Variants in ZC3H12B observed in about 807,000 individuals in gnomAD.
ZC3H12B encodes zinc finger CCCH-type containing 12B.
ZC3H12B carries 7 observed loss-of-function variants against 43.9 expected under a neutral mutation model. The observed-to-expected ratio is 0.16, with a 90% CI of 0.09 to 0.30. The LOEUF (loss-of-function observed/expected upper bound fraction) is 0.30, where lower values mean the gene tolerates loss of function less well. ZC3H12B is among the 10% of genes least tolerant of loss of function. ZC3H12B has a pLI of 1.00. For synonymous variants in ZC3H12B, 222 were observed against 241.7 expected (o/e 0.92, Z 0.76); for missense variants, 475 against 670.2 (o/e 0.71, Z 3.22).
the ZC3H12B span, among the ~76,000 whole-genome samples, chrX:65,254,321 G>C: frequency 8.9e-6 from 1 of 112,531 alleles, no homozygotes; most frequent in African/African-American, 3.2e-5. Flanking sequence ...GTTGTGGCCA[G>C]TGGTCTGGAA....
the ZC3H12B span, among the ~76,000 whole-genome samples, chrX:65,111,529 C>T: frequency 9.6e-6 from 1 of 104,605 alleles, no homozygotes; most frequent in Non-Finnish European, 1.9e-5. Flanking sequence ...GCAAGTATTG[C>T]AATTTTTATT....
the ZC3H12B span, among the ~76,000 whole-genome samples, chrX:65,310,815 C>G: frequency 9.0e-6 from 1 of 111,432 alleles, no homozygotes; most frequent in Non-Finnish European, 1.9e-5. Flanking sequence ...ACCAATGGAA[C>G]AGAACAGGGG....
the ZC3H12B span, among the ~76,000 whole-genome samples, chrX:65,102,408 T>G: frequency 1.8e-5 from 2 of 111,553 alleles, no homozygotes; most frequent in African/African-American, 6.5e-5. Context: ...GAGAAAGAAA[T>G]AAAAGGTATT....
At chrX:65,457,017 C>T (rs2067628604) in intron 3 of ZC3H12B, among the ~76,000 whole-genome samples, 1 of 101,483 alleles carries the variant, frequency 9.9e-6, no homozygotes, top group Non-Finnish European at 2.0e-5. Flanking sequence ...TCCCCGCTGC[C>T]ATCCCATCTA....
chrX:65,363,361 C>G (rs558505573), upstream of ZC3H12B, among the ~76,000 whole-genome samples: 1 of 111,563 alleles, frequency 9.0e-6, no homozygotes, highest in Non-Finnish European at 1.9e-5. Flanking sequence ...CGTTTGTGTC[C>G]GATTGATCTC....
chrX:65,449,394 G>A (rs750547126), intron 3 of ZC3H12B, among the ~76,000 whole-genome samples: 23 of 111,368 alleles, frequency 2.1e-4, no homozygotes, highest in African/African-American at 3.9e-4. Flanking sequence ...CAAGGCGGGC[G>A]GATCACCTGA....
At chrX:65,460,050 T>C (rs2067712786) in intron 3 of ZC3H12B, among the ~76,000 whole-genome samples, 1 of 111,604 alleles carries the variant, frequency 9.0e-6, no homozygotes, top group Middle Eastern at 4.2e-3. Flanking sequence ...CACAAGCATT[T>C]TTATACACTA....
the ZC3H12B span, among the ~76,000 whole-genome samples, chrX:65,275,036 G>T: frequency 1.8e-5 from 2 of 112,116 alleles, no homozygotes; most frequent in South Asian, 7.4e-4. Flanking sequence ...AATCCTAGAG[G>T]CTGCCTGTGG....
the ZC3H12B span, among the ~76,000 whole-genome samples, chrX:65,064,267 C>A: frequency 9.0e-6 from 1 of 111,473 alleles, no homozygotes; most frequent in Non-Finnish European, 1.9e-5. Context: ...TAGATCTTTC[C>A]CAGTTTCTGA....
intron 3 of ZC3H12B, among the ~76,000 whole-genome samples, chrX:65,447,987 C>T (rs1018685853): frequency 9.0e-6 from 1 of 111,423 alleles, no homozygotes; most frequent in African/African-American, 3.3e-5. Context: ...AATCCCAGCA[C>T]TTTGGGAGTC....
At chrX:65,393,856 C>A (rs2066660178) in intron 2 of ZC3H12B, among the ~76,000 whole-genome samples, 1 of 112,200 alleles carries the variant, frequency 8.9e-6, no homozygotes, top group Non-Finnish European at 1.9e-5. Context: ...TCCTCTCCAG[C>A]ATCTATTGTT....
At chrX:65,291,172 T>C in the ZC3H12B span, among the ~76,000 whole-genome samples, 1 of 111,326 alleles carries the variant, frequency 9.0e-6, no homozygotes, top group Admixed American at 9.5e-5. Flanking sequence ...TGTGGAGAAA[T>C]TGAGTCCCTG....
chrX:65,209,697 A>T, the ZC3H12B span, among the ~76,000 whole-genome samples: 1 of 110,166 alleles, frequency 9.1e-6, no homozygotes, highest in Non-Finnish European at 1.9e-5. Flanking sequence ...CCAAAACAGC[A>T]TGGTACTGGT....
the ZC3H12B span, among the ~76,000 whole-genome samples, chrX:65,253,825 A>T: frequency 1.8e-5 from 2 of 111,380 alleles, no homozygotes; most frequent in Non-Finnish European, 3.8e-5. Context: ...TCTTTCTCCC[A>T]CTGCAGCCTC....
the ZC3H12B span, among the ~76,000 whole-genome samples, chrX:65,054,697 T>C: frequency 8.9e-6 from 1 of 112,132 alleles, no homozygotes; most frequent in Non-Finnish European, 1.9e-5. Context: ...ATTTTTACGA[T>C]ATTGATTCTT....
At chrX:65,119,807 C>T in the ZC3H12B span, among the ~76,000 whole-genome samples, 1 of 111,466 alleles carries the variant, frequency 9.0e-6, no homozygotes, top group Non-Finnish European at 1.9e-5. Flanking sequence ...TTAATCCATC[C>T]TGAATTAATT....
chrX:65,493,814 T>TA lies in ZC3H12B; in HGVS notation c.609-3318_609-3317insA, dbSNP rs1258366235. On this transcript the variant is annotated intron_variant, in intron 1 of 4. Transcript: ENST00000338957. ...CATTTTTTAGATTGCAAAAGGACAT[T>TA]GTATGTGTTTAAGCAAAAACAAGCC... 2.7e-5 allele frequency among the ~76,000 whole-genome samples: 3 copies of TA among 111,739 alleles called. No individual in the cohort carries two copies. In the Admixed American group the frequency reaches 2.9e-4, roughly 11 times the overall value.
intron 3 of ZC3H12B, among the ~76,000 whole-genome samples, chrX:65,439,274 A>T (rs953966336): frequency 8.9e-6 from 1 of 111,897 alleles, no homozygotes; most frequent in African/African-American, 3.3e-5. Context: ...TTGAGGTGCC[A>T]CTATACCACC....
rs181285256 is a variant in ZC3H12B, at chrX:65,441,619, C to A, written n.407+42915C>A. ...CGTAGATATAACAATTTGAATTTCC[C>A]CATTGTAATCTGAATCAATGACTCC... On this transcript the variant is annotated intron_variant and non_coding_transcript_variant, in intron 3 of 5. Coordinates refer to the ZC3H12B transcript ENST00000617377. Among the ~76,000 whole-genome samples the A allele has an allele frequency of 8.0e-5, 9 of 112,058 alleles. No homozygotes were observed. The East Asian group carries it at 2.2e-3, about 28-fold the overall frequency.
Sources: gnomAD v4.1 joint callset for allele counts (sites outside exome capture counted in the v4.1 genomes callset) on GRCh38, gnomAD v4.1.1 for gene constraint, MANE v1.5 for transcripts, NCBI Gene and HGNC (gene_info 2026-07-23, HGNC 2026-07-21) for gene names.